CCDC73: variants seen among roughly 807,000 people sequenced by gnomAD.
CCDC73 encodes coiled-coil domain containing 73.
CCDC73 carries 95 observed loss-of-function variants against 116.5 expected under a neutral mutation model. That is an observed-to-expected ratio of 0.82 (90% CI 0.69 to 0.97). The LOEUF is 0.97. CCDC73 is among the 50% of genes least tolerant of loss of function. The probability of loss-of-function intolerance (pLI) is 0.00; values close to 1 mark genes in which losing one functional copy is unlikely to be tolerated. For synonymous variants in CCDC73, 398 were observed against 401.3 expected (o/e 0.99, Z 0.10); for missense variants, 1,066 against 1,206.8 (o/e 0.88, Z 1.73).
the CCDC73 span, among the ~76,000 whole-genome samples, chr11:32,825,616 T>C: frequency 6.6e-6 from 1 of 152,210 alleles, no homozygotes; most frequent in African/African-American, 2.4e-5. Context: ...AATTAACAAA[T>C]GATTCTTAAA....
intron 2 of CCDC73, among the ~76,000 whole-genome samples, chr11:32,721,843 C>A (rs773899134): frequency 4.0e-5 from 6 of 151,656 alleles, no homozygotes; most frequent in Non-Finnish European, 7.4e-5. Flanking sequence ...GTGATCTGCT[C>A]GCCTCGGCCT....
intron 9 of CCDC73, among the ~76,000 whole-genome samples, chr11:32,671,755 C>T (rs7129723): frequency 0.57 from 87,239 of 152,000 alleles, 25,419 homozygotes; most frequent in East Asian, 0.84. Context: ...AATTTTCTCA[C>T]TTTACCCTTC....
At chr11:32,691,346 T>A (rs7131036) in intron 6 of CCDC73, among the ~76,000 whole-genome samples, 89,548 of 151,876 alleles carry the variant, frequency 0.59, 26,701 homozygotes, top group East Asian at 0.84. Flanking sequence ...GTGCCTGGCC[T>A]CAACCACTTA....
At chr11:32,824,843 G>A in the CCDC73 span, among the ~76,000 whole-genome samples, 6 of 152,208 alleles carry the variant, frequency 3.9e-5, no homozygotes, top group African/African-American at 1.4e-4. Context: ...CAGCACTTTG[G>A]GAGGTCAAGG....
At chr11:32,746,064 C>T (rs886309272) in intron 2 of CCDC73, among the ~76,000 whole-genome samples, 8 of 152,098 alleles carry the variant, frequency 5.3e-5, no homozygotes, top group African/African-American at 1.4e-4. Flanking sequence ...GGACTAGTAC[C>T]GTTTGTTCCT....
intron 3 of CCDC73, 151 bp downstream of exon 3, chr11:32,717,925 T>A: frequency 1.9e-6 from 1 of 521,778 alleles, no homozygotes; most frequent in Non-Finnish European, 3.3e-6. Context: ...CCATTAGATC[T>A]CATGAGAACT....
In CCDC73 at chr11:32,666,135, T is replaced by G. The variant is rs187872618; in HGVS notation, c.645+9430A>C. Among the ~76,000 whole-genome samples the G allele has an allele frequency of 4.9e-3, 742 of 152,278 alleles. 1 individual carries two copies. Among genetic ancestry groups the G allele is most frequent in the Non-Finnish European group, 7.5e-3 (507 of 68,024 alleles). On this transcript the variant is annotated intron_variant, in intron 9 of 17. Coordinates refer to ENST00000335185, the MANE Select transcript of CCDC73 (RefSeq NM_001008391.4). ...ACTTTGGTGAATCTGACAATTATGT[T>G]TCTTGGAGTTGCTCTTCTCAAAGAG... is the stretch of plus-strand genomic sequence containing the variant.
chr11:32,787,244 GCAAACGCTAATATGCATTTAATCA>G (rs1850636589), intron 1 of CCDC73, among the ~76,000 whole-genome samples: 2 of 152,132 alleles, frequency 1.3e-5, no homozygotes, highest in South Asian at 4.1e-4. Flanking sequence ...AATGCCTAGG[GCAAACGCTAATATGCATTTAATCA>G]CACAGCATGA....
chr11:32,709,937 T>G (rs1013465426), intron 3 of CCDC73, among the ~76,000 whole-genome samples: 2 of 152,200 alleles, frequency 1.3e-5, no homozygotes, highest in Non-Finnish European at 2.9e-5. Context: ...CTAGCAGGTT[T>G]GTATATTTCC....
intron 1 of CCDC73, among the ~76,000 whole-genome samples, chr11:32,770,787 G>A (rs1470473303): frequency 3.3e-5 from 5 of 152,158 alleles, no homozygotes. Context: ...AATACGGGGA[G>A]AGAGATGAAG....
At chr11:32,827,040 AT>A in the CCDC73 span, among the ~76,000 whole-genome samples, 8 of 151,506 alleles carry the variant, frequency 5.3e-5, no homozygotes, top group Admixed American at 5.3e-4. Flanking sequence ...TTTTTTTTGT[AT>A]TTTTAGTAGA....
At chr11:32,683,609 A>C (rs768161536) in intron 6 of CCDC73, 35 bp from the exon 7 acceptor site, 8 of 1,247,254 alleles carry the variant, frequency 6.4e-6, no homozygotes, top group Non-Finnish European at 9.3e-6. Flanking sequence ...TCATTAAAAT[A>C]CTTTAATTAT....
chr11:32,707,737 A>ATCATCACTCC, intron 3 of CCDC73, among the ~76,000 whole-genome samples: 1 of 152,136 alleles, frequency 6.6e-6, no homozygotes, highest in East Asian at 1.9e-4. Flanking sequence ...AAGGGGGTAA[A>ATCATCACTCC]TGTATCACTC....
chr11:32,614,338 A>G lies in CCDC73; in HGVS notation c.1980T>C (p.Cys660=). 6.2e-7 allele frequency: 1 copy of G among 1,611,560 alleles called. No individual in the cohort carries two copies. Among genetic ancestry groups the G allele is most frequent in the Non-Finnish European group, 8.5e-7 (1 of 1,178,306 alleles). Residue 660 remains cysteine, a synonymous_variant, in exon 16 of 18, where the codon TGT becomes TGC. Coordinates refer to ENST00000335185, the MANE Select transcript of CCDC73 (RefSeq NM_001008391.4). ...TTAACAGTTGTATTTGTTTTATTTT[A>G]CATTGTTTATCATCTAACATAACAT... ...SSNVMLDDKQ[C]KIKQIQLLTK...
At chr11:32,828,655 G>T in the CCDC73 span, among the ~76,000 whole-genome samples, 3 of 152,134 alleles carry the variant, frequency 2.0e-5, no homozygotes. Flanking sequence ...ACCATCACCT[G>T]GCATAGGTAC....
chr11:32,748,864 A>T (rs11500265), intron 2 of CCDC73, among the ~76,000 whole-genome samples: 1,820 of 152,198 alleles, frequency 0.012, 36 homozygotes, highest in African/African-American at 0.042. Context: ...TCAGCACCAT[A>T]AATATGTCCT....
intron 2 of CCDC73, among the ~76,000 whole-genome samples, chr11:32,736,474 T>C (rs1045051129): frequency 7.2e-5 from 11 of 152,070 alleles, no homozygotes; most frequent in Non-Finnish European, 1.5e-4. Context: ...CCATCTCACA[T>C]CAGTTAGAAC....
At chr11:32,806,485 G>A in the CCDC73 span, among the ~76,000 whole-genome samples, 4,239 of 151,848 alleles carry the variant, frequency 0.028, 79 homozygotes, top group South Asian at 0.04. Flanking sequence ...TTAGCCAGGC[G>A]AGGTGGTGCA....
At chr11:32,777,010 T>C (rs1192889098) in intron 1 of CCDC73, among the ~76,000 whole-genome samples, 1 of 142,712 alleles carries the variant, frequency 7.0e-6, no homozygotes, top group Non-Finnish European at 1.5e-5. Flanking sequence ...TATATATATA[T>C]ATATATATAT....
Sources: allele counts gnomAD v4.1 joint callset (sites outside exome capture counted in the v4.1 genomes callset), GRCh38; gene constraint gnomAD v4.1.1; transcripts MANE v1.5; gene names NCBI Gene and HGNC (gene_info 2026-07-23, HGNC 2026-07-21).